SERGEF: variants seen among roughly 807,000 people sequenced by gnomAD.
SERGEF encodes the protein secretion regulating guanine nucleotide exchange factor, also known as secretion-regulating guanine nucleotide exchange factor.
Under a neutral mutation model 50.0 loss-of-function variants are expected in SERGEF, and 51 were observed. The observed-to-expected ratio is 1.02, with a 90% CI of 0.81 to 1.29. The LOEUF is 1.29. Ranked by LOEUF, SERGEF falls within the 50% of genes most tolerant of loss-of-function variation. SERGEF has a pLI of 0.00. For synonymous variants in SERGEF, 205 were observed against 212.4 expected (o/e 0.97, Z 0.30); for missense variants, 521 against 557.0 (o/e 0.94, Z 0.65).
At chr11:17,798,934 G>A (rs891422814) in intron 10 of SERGEF, among the ~76,000 whole-genome samples, 1 of 152,216 alleles carries the variant, frequency 6.6e-6, no homozygotes, top group African/African-American at 2.4e-5. Flanking sequence ...GTGAGGCTGT[G>A]GACCAGCAGG....
At chr11:17,835,712 G>A (rs375758238) in intron 10 of SERGEF, among the ~76,000 whole-genome samples, 3 of 152,166 alleles carry the variant, frequency 2.0e-5, no homozygotes, top group East Asian at 3.8e-4. Flanking sequence ...CCCCAGTCAG[G>A]AAGACAAGAT....
At chr11:17,871,117 A>C (rs185991110) in intron 10 of SERGEF, among the ~76,000 whole-genome samples, 235 of 152,348 alleles carry the variant, frequency 1.5e-3, no homozygotes, top group African/African-American at 5.5e-3. Flanking sequence ...GGAATGAGTA[A>C]AAATGTCTTA....
rs537890587 is a variant in SERGEF at position 17,922,480 on chromosome 11, T to G, written c.1011+36990A>C. ...TGACCCTTTGCAGAAAACATTGGGGTTTTTTTCTAAGTATTATAACACAGC... is the reference window on the plus strand; with the variant it reads ...TGACCCTTTGCAGAAAACATTGGGGGTTTTTTCTAAGTATTATAACACAGC... On this transcript the variant is annotated intron_variant, in intron 9 of 10. Coordinates refer to ENST00000265965, the MANE Select transcript of SERGEF (RefSeq NM_012139.4). 5.9e-5 allele frequency among the ~76,000 whole-genome samples: 9 copies of G among 152,268 alleles called. No homozygotes were observed. The East Asian group carries it at 1.4e-3, about 23-fold the overall frequency.
At chr11:17,940,712 C>T (rs949851803) in intron 9 of SERGEF, among the ~76,000 whole-genome samples, 2 of 152,002 alleles carry the variant, frequency 1.3e-5, no homozygotes, top group Non-Finnish European at 2.9e-5. Context: ...TAGCTGAGAC[C>T]ACGGGGACAC....
intron 10 of SERGEF, among the ~76,000 whole-genome samples, chr11:17,849,623 G>C (rs1850676183): frequency 6.6e-6 from 1 of 152,134 alleles, no homozygotes. Context: ...CCAGGAGACA[G>C]AATAATAATA....
Position 17,788,325 on chromosome 11 carries a change from C to T in SERGEF, c.1137G>A (p.Gln379=). 1 of 1,614,208 alleles carries T rather than the reference C, an allele frequency of 6.2e-7. No homozygotes were observed. Among genetic ancestry groups the T allele is most frequent in the Non-Finnish European group, 8.5e-7 (1 of 1,180,020 alleles). Residue 379 remains glutamine, a synonymous_variant, in exon 11 of 11, where the codon CAG becomes CAA. Coordinates refer to ENST00000265965, the MANE Select transcript of SERGEF (RefSeq NM_012139.4). The part of the protein sequence containing the change: ...EANVWAPKPV[Q]ALLSSSGLLV... ...GGAGTCCTGACGATGACAGCAGAGC[C>T]TGCACCGGCTTTGGGGCCCAGACGT...
intron 8 of SERGEF, among the ~76,000 whole-genome samples, chr11:17,987,984 A>C (rs1219918394): frequency 1.3e-5 from 2 of 152,230 alleles, no homozygotes; most frequent in Non-Finnish European, 2.9e-5. Context: ...GGACAAAGTT[A>C]ACAATATGAA....
At chr11:18,010,690 G>A (rs1373843516) in intron 1 of SERGEF, among the ~76,000 whole-genome samples, 1 of 152,118 alleles carries the variant, frequency 6.6e-6, no homozygotes, top group Non-Finnish European at 1.5e-5. Context: ...CTTGTTTACT[G>A]TACACCACCC....
intron 8 of SERGEF, among the ~76,000 whole-genome samples, chr11:17,962,710 G>A (rs1485222823): frequency 9.2e-5 from 14 of 152,128 alleles, no homozygotes; most frequent in Non-Finnish European, 1.0e-4. Context: ...CACAGAAAAC[G>A]ACAGAGGCCA....
intron 10 of SERGEF, among the ~76,000 whole-genome samples, chr11:17,829,588 G>A (rs1263833909): frequency 1.2e-4 from 18 of 151,948 alleles, no homozygotes; most frequent in Admixed American, 1.1e-3. Flanking sequence ...AAAATAACAG[G>A]AGCTGGGGTA....
intron 10 of SERGEF, among the ~76,000 whole-genome samples, chr11:17,838,120 CA>C (rs1850439494): frequency 6.6e-6 from 1 of 152,196 alleles, no homozygotes; most frequent in South Asian, 2.1e-4. Context: ...AACATAACAA[CA>C]CGAAAGAGTC....
intron 9 of SERGEF, among the ~76,000 whole-genome samples, chr11:17,931,001 T>C (rs985799285): frequency 6.6e-6 from 1 of 152,166 alleles, no homozygotes; most frequent in African/African-American, 2.4e-5. Context: ...TAATATGGTA[T>C]TTCCTGAGCC....
intron 10 of SERGEF, among the ~76,000 whole-genome samples, chr11:17,873,293 A>G (rs1363782512): frequency 6.6e-6 from 1 of 152,134 alleles, no homozygotes; most frequent in East Asian, 1.9e-4. Flanking sequence ...GGGATTAACC[A>G]GAGTACCAGC....
chr11:17,980,926 G>A (rs953456568), intron 8 of SERGEF, among the ~76,000 whole-genome samples: 3 of 152,180 alleles, frequency 2.0e-5, no homozygotes, highest in Non-Finnish European at 4.4e-5. Flanking sequence ...TTATGTAAAC[G>A]TATTGGCCAG....
chr11:17,876,417 C>T (rs1851236205), intron 10 of SERGEF, among the ~76,000 whole-genome samples: 1 of 152,216 alleles, frequency 6.6e-6, no homozygotes, highest in Admixed American at 6.5e-5. Context: ...AGAACAGTTA[C>T]ACTAACAAGT....
At chr11:17,885,557 C>G (rs1288896911) in intron 9 of SERGEF, among the ~76,000 whole-genome samples, 1 of 152,012 alleles carries the variant, frequency 6.6e-6, no homozygotes. Context: ...CTCCTGGCTT[C>G]AAGCGACCCT....
chr11:17,861,588 G>A (rs1850927402), intron 10 of SERGEF, among the ~76,000 whole-genome samples: 1 of 152,240 alleles, frequency 6.6e-6, no homozygotes, highest in South Asian at 2.1e-4. Flanking sequence ...GAGTCAAAGA[G>A]CCTGATACAC....
intron 10 of SERGEF, among the ~76,000 whole-genome samples, chr11:17,807,749 C>A (rs1017030729): frequency 3.3e-5 from 5 of 152,146 alleles, no homozygotes; most frequent in Admixed American, 2.6e-4. Flanking sequence ...TGGTGGCCTA[C>A]AGGGTGGCAT....
chr11:17,935,175 T>C (rs1348585121), intron 9 of SERGEF, among the ~76,000 whole-genome samples: 3 of 152,144 alleles, frequency 2.0e-5, no homozygotes, highest in African/African-American at 7.2e-5. Flanking sequence ...TAAAATAAAA[T>C]AAAATAAAAA....
Sources: gnomAD v4.1 joint callset for allele counts (sites outside exome capture counted in the v4.1 genomes callset) on GRCh38, gnomAD v4.1.1 for gene constraint, MANE v1.5 for transcripts, NCBI Gene and HGNC (gene_info 2026-07-23, HGNC 2026-07-21) for gene names.